The following HTT variants were observed in gnomAD, a reference collection of about 807,000 sequenced individuals.
HTT encodes huntingtin, also known as huntington disease protein.
In HTT, 104 loss-of-function variants were observed where a neutral mutation model predicts 362.3. The observed-to-expected ratio is 0.29, with a 90% CI of 0.24 to 0.34. The LOEUF (loss-of-function observed/expected upper bound fraction) is 0.34, where lower values mean the gene tolerates loss of function less well. Ranked by LOEUF, HTT falls within the 10% of genes least tolerant of loss-of-function variation. The pLI is 1.00. For missense variants in HTT, 3,301 were observed against 3,928.6 expected (o/e 0.84, Z 4.27); for synonymous variants, 1,577 against 1,548.7 (o/e 1.02, Z -0.43).
rs757932410 is a variant in HTT at position 3,220,315 on chromosome 4, T to C, written c.7369+7T>C. On this transcript the variant is annotated splice_region_variant and intron_variant, in intron 53 of 66. Transcript: ENST00000355072. The stretch of plus-strand genomic sequence containing the variant: ...TACCGCATCAACACACTAGGTACTC[T>C]TGGGGCCTCTCCTTCAGGTCACCAT... The C allele has an allele frequency of 1.2e-6, 2 of 1,610,242 alleles. No homozygotes were observed. The highest frequency in any genetic ancestry group is 1.7e-5 in the Admixed American group (1 of 59,972).
At chr4:3,199,496 C>T (rs981599375) in intron 40 of HTT, among the ~76,000 whole-genome samples, 12 of 150,958 alleles carry the variant, frequency 7.9e-5, no homozygotes, top group Admixed American at 5.9e-4. Context: ...GCCAAGATTG[C>T]GCCACTGCAC....
In HTT at chr4:3,238,460, T is replaced by C. The variant is rs200392606; in HGVS notation, c.8905T>C (p.Phe2969Leu). The change falls in exon 65 of 67, where the codon TTT (phenylalanine) becomes CTT (leucine). Residue 2969 changes from phenylalanine (F) to leucine (L), a missense_variant. Phe to Leu is a conservative substitution (Grantham distance 22). Transcript: ENST00000355072. The part of the protein sequence containing the change: ...SVLFDRIRKG[F>L]PCEARVVARI... ...CCCTCCTCCCAGGATCAGGAAAGGC[T>C]TTCCTTGTGAAGCCAGAGTGGTGGC... The C allele has an allele frequency of 7.4e-5, 120 of 1,611,326 alleles. No homozygotes were observed. In the African/African-American group the frequency reaches 1.5e-3, roughly 21 times the overall value.
chr4:3,238,621 T>C lies in HTT; in HGVS notation c.9054+12T>C. ...CCGTGGTGTATAAGGTGAGGTTGCA[T>C]GTGGGATGGGGATGGAGTGGGAAAG... On this transcript the variant is annotated intron_variant, in intron 65 of 66. Transcript: ENST00000355072. The C allele has an allele frequency of 1.9e-6, 3 of 1,590,180 alleles. No homozygotes were observed. The highest frequency in any genetic ancestry group is 1.1e-5 in the South Asian group (1 of 87,078).
chr4:3,136,920 T>G (rs1395637385), intron 21 of HTT, among the ~76,000 whole-genome samples: 1 of 151,934 alleles, frequency 6.6e-6, no homozygotes, highest in East Asian at 1.9e-4. Context: ...GCTTTGAATT[T>G]TTTTTTTTAT....
intron 40 of HTT, among the ~76,000 whole-genome samples, chr4:3,195,362 C>G (rs907954836): frequency 1.3e-5 from 2 of 152,160 alleles, no homozygotes; most frequent in Admixed American, 6.5e-5. Flanking sequence ...GCTTGCGGAG[C>G]TGCTGCGTGC....
intron 42 of HTT, 57 bp downstream of exon 42, chr4:3,204,205 C>A: frequency 6.3e-7 from 1 of 1,588,654 alleles, no homozygotes; most frequent in Non-Finnish European, 8.6e-7. Context: ...GGAGAACATC[C>A]TGTGTAGATG....
At chr4:3,107,115 C>T (rs2110163129) in intron 5 of HTT, among the ~76,000 whole-genome samples, 170 bp from the exon 6 acceptor site, 1 of 152,338 alleles carries the variant, frequency 6.6e-6, no homozygotes, top group East Asian at 1.9e-4. Context: ...TGTCTCCCAA[C>T]ACTTGAGCTT....
chr4:3,150,846 C>A (rs568865380), intron 26 of HTT, among the ~76,000 whole-genome samples: 2 of 152,288 alleles, frequency 1.3e-5, no homozygotes, highest in East Asian at 3.9e-4. Context: ...ACCATTCCGG[C>A]TCACACGGTG....
At chr4:3,128,927 A>G (rs540548473) in intron 12 of HTT, 3 of 152,254 alleles carry the variant, frequency 2.0e-5, no homozygotes, top group South Asian at 4.2e-4. Flanking sequence ...ATTGAACTCT[A>G]TTCCTCCTTT....
At position 3,240,043 on chromosome 4, in the gene HTT, A is replaced by G. The variant is rs1453250426; in HGVS notation, c.9413A>G (p.Lys3138Arg). Residue 3138 changes from lysine (K) to arginine (R), a missense_variant, in exon 67 of 67, where the codon AAG (lysine) becomes AGG (arginine). Coordinates refer to ENST00000355072, the MANE Select transcript of HTT (RefSeq NM_001388492.1). ...CTGACTTGTTTACGAAATGTCCACA[A>G]GGTCACCACCTGCTGAGCGCCATGG... ...RLLTCLRNVH[K>R]VTTC The G allele has an allele frequency of 6.3e-7, 1 of 1,591,432 alleles. No individual in the cohort carries two copies.
At chr4:3,109,029 G>C (rs1329659867) in intron 6 of HTT, among the ~76,000 whole-genome samples, 1 of 150,694 alleles carries the variant, frequency 6.6e-6, no homozygotes, top group South Asian at 2.1e-4. Context: ...ACTCCAGCAT[G>C]GGTGGTAAAA....
At chr4:3,085,952 A>G (rs1400402132) in intron 1 of HTT, among the ~76,000 whole-genome samples, 2 of 152,178 alleles carry the variant, frequency 1.3e-5, no homozygotes, top group Non-Finnish European at 2.9e-5. Context: ...TAGGAGGCTT[A>G]TTCCCAGCTA....
intron 21 of HTT, 128 bp downstream of exon 21, chr4:3,136,454 T>C (rs375949938): frequency 6.3e-6 from 3 of 474,272 alleles, no homozygotes; most frequent in African/African-American, 6.0e-5. Context: ...TTTCAGCCAT[T>C]CTATTCTTAA....
At chr4:3,139,700 T>C (rs1716248042) in intron 21 of HTT, among the ~76,000 whole-genome samples, 2 of 152,182 alleles carry the variant, frequency 1.3e-5, no homozygotes, top group South Asian at 4.1e-4. Context: ...TCCATTTGAA[T>C]TCAGTTTAGA....
intron 9 of HTT, among the ~76,000 whole-genome samples, chr4:3,122,603 A>G (rs966667295): frequency 6.6e-6 from 1 of 152,256 alleles, no homozygotes; most frequent in African/African-American, 2.4e-5. Flanking sequence ...ACTGTTAGTC[A>G]GCTAAATAAT....
rs752099005 is a variant in HTT at position 3,086,922 on chromosome 4, CTTTT to C, written c.264-12_264-9del. On this transcript the variant is annotated splice_polypyrimidine_tract_variant and intron_variant, in intron 1 of 66. Coordinates refer to ENST00000355072, the MANE Select transcript of HTT (RefSeq NM_001388492.1). Reference sequence around the variant, plus strand: ...TAATTCAACACATATTAATTTCCTTCTTTTTTTTATTTTTAGAAAGAAAGAACTT... The same window carrying C: ...TAATTCAACACATATTAATTTCCTTCTTTTATTTTTAGAAAGAAAGAACTT... 2.7e-6 allele frequency: 4 copies of C among 1,476,222 alleles called. No homozygotes were observed. The Admixed American group carries it at 6.8e-5, about 25-fold the overall frequency. The allele number at this position is 1,476,222 out of a possible 1,614,324, so 91.4% of individuals were successfully genotyped here.
intron 40 of HTT, among the ~76,000 whole-genome samples, chr4:3,189,571 A>T (rs570418720): frequency 6.6e-6 from 1 of 152,256 alleles, no homozygotes; most frequent in Non-Finnish European, 1.5e-5. Context: ...GACCTGGAGT[A>T]GTTAATTCAT....
intron 1 of HTT, among the ~76,000 whole-genome samples, chr4:3,076,333 G>A (rs1189970869): frequency 6.6e-6 from 1 of 152,114 alleles, no homozygotes; most frequent in East Asian, 1.9e-4. Flanking sequence ...ATCTGGATGT[G>A]TCCCAGATGG....
intron 7 of HTT, among the ~76,000 whole-genome samples, 199 bp from the exon 8 acceptor site, chr4:3,115,886 A>G (rs1276355822): frequency 6.6e-6 from 1 of 152,236 alleles, no homozygotes; most frequent in Non-Finnish European, 1.5e-5. Context: ...TTTCAAAGGC[A>G]GTGAGGCTCT....
Sources: gnomAD v4.1 joint callset for allele counts (sites outside exome capture counted in the v4.1 genomes callset) on GRCh38, gnomAD v4.1.1 for gene constraint, MANE v1.5 for transcripts, NCBI Gene and HGNC (gene_info 2026-07-23, HGNC 2026-07-21) for gene names.